The following MEF2A variants were observed in gnomAD, a reference collection of about 807,000 sequenced individuals.
MEF2A encodes myocyte enhancer factor 2A.
Under a neutral mutation model 55.8 loss-of-function variants are expected in MEF2A, and 28 were observed. That is an observed-to-expected ratio of 0.50 (90% CI 0.37 to 0.69). MEF2A has a LOEUF of 0.69. MEF2A is among the 30% of genes least tolerant of loss of function. The pLI is 0.00. For synonymous variants in MEF2A, 239 were observed against 227.1 expected, an observed-to-expected ratio of 1.05 and a Z score of -0.47; for missense variants, 528 against 626.2, an observed-to-expected ratio of 0.84 and a Z score of 1.67.
rs746305206 is a variant in MEF2A at position 99,690,348 on chromosome 15, G to A, written c.778G>A (p.Gly260Ser). ...PTKSPPPPGG[G>S]NLGMNSRKPD... ...AAAGTCTCCCCCTCCACCAGGTGGT[G>A]GTAATCTTGGAATGAACAGTAGGAA... is the stretch of plus-strand genomic sequence containing the variant. Residue 260 changes from glycine to serine, a missense_variant, in exon 8 of 12, where the codon GGT (glycine) becomes AGT (serine). Gly to Ser is a moderately conservative substitution (Grantham distance 56). Transcript: ENST00000557942. 1 of 1,613,356 alleles carries A rather than the reference G, an allele frequency of 6.2e-7. No individual in the cohort carries two copies. Among genetic ancestry groups the A allele is most frequent in the Non-Finnish European group, 8.5e-7 (1 of 1,179,766 alleles).
Position 99,675,451 on chromosome 15 carries a change from T to C in MEF2A, c.663T>C (p.Ser221=), listed in dbSNP as rs2051787565. The C allele has an allele frequency of 6.2e-7, 1 of 1,613,676 alleles. No individual in the cohort carries two copies. Among genetic ancestry groups the C allele is most frequent in the Non-Finnish European group, 8.5e-7 (1 of 1,179,604 alleles). Residue 221 remains serine, a synonymous_variant, in exon 7 of 12, where the codon AGT becomes AGC. Transcript: ENST00000557942. ...CAGTGCCAAATGGAGCTGGAAGCAG[T>C]CCAGTGGGTGAGTGAATTCCTACTC... ...DLTVPNGAGS[S]PVGNGFVNSR... is the part of the protein sequence containing the mutation.
At chr15:99,657,136 T>G (rs2047874151) in intron 4 of MEF2A, among the ~76,000 whole-genome samples, 1 of 152,118 alleles carries the variant, frequency 6.6e-6, no homozygotes, top group Admixed American at 6.6e-5. Flanking sequence ...CAGTCCTTCA[T>G]TCTGTGACCA....
At chr15:99,710,115 T>C (rs192800518) in intron 10 of MEF2A, among the ~76,000 whole-genome samples, 34 of 152,338 alleles carry the variant, frequency 2.2e-4, no homozygotes, top group Middle Eastern at 3.4e-3. Flanking sequence ...TGGCCTCTTA[T>C]TTGAATCATC....
chr15:99,598,091 C>T (rs909893693), intron 1 of MEF2A, among the ~76,000 whole-genome samples: 3 of 152,180 alleles, frequency 2.0e-5, no homozygotes, highest in South Asian at 2.1e-4. Flanking sequence ...ATAGGCTATA[C>T]GCACAGTACA....
At chr15:99,631,612 C>T (rs562585920) in intron 2 of MEF2A, among the ~76,000 whole-genome samples, 83 of 151,652 alleles carry the variant, frequency 5.5e-4, no homozygotes, top group African/African-American at 1.9e-3. Flanking sequence ...TTTTCTTCTA[C>T]TAGACTCTGA....
intron 10 of MEF2A, among the ~76,000 whole-genome samples, chr15:99,710,141 T>C (rs1188624682): frequency 6.6e-6 from 1 of 152,234 alleles, no homozygotes; most frequent in African/African-American, 2.4e-5. Context: ...CAAAGAAATA[T>C]TGCTAGATCC....
chr15:99,683,878 G>A (rs1185125072), intron 7 of MEF2A, among the ~76,000 whole-genome samples: 2 of 151,986 alleles, frequency 1.3e-5, no homozygotes, highest in African/African-American at 4.8e-5. Context: ...TCCTCCTTGA[G>A]TCCCCAAAGT....
chr15:99,650,931 T>A (rs1021816282), intron 4 of MEF2A, among the ~76,000 whole-genome samples: 2 of 152,202 alleles, frequency 1.3e-5, no homozygotes, highest in African/African-American at 4.8e-5. Flanking sequence ...TTGCCTTAAG[T>A]GCAGTTATAG....
chr15:99,686,686 C>T (rs2054287121), intron 7 of MEF2A, among the ~76,000 whole-genome samples: 1 of 152,196 alleles, frequency 6.6e-6, no homozygotes, highest in Non-Finnish European at 1.5e-5. Flanking sequence ...AATCTGATTA[C>T]TGTGTGCCTG....
chr15:99,694,018 A>G (rs960098152), intron 8 of MEF2A, among the ~76,000 whole-genome samples: 21 of 152,190 alleles, frequency 1.4e-4, no homozygotes, highest in African/African-American at 4.8e-4. Context: ...TTATTAACTG[A>G]AATTCGCAAT....
At chr15:99,581,429 T>C (rs573906726) in intron 1 of MEF2A, among the ~76,000 whole-genome samples, 98 of 151,924 alleles carry the variant, frequency 6.5e-4, no homozygotes, top group Admixed American at 3.7e-3. Flanking sequence ...TTTTTTTTCA[T>C]AGTTTCCACA....
At chr15:99,657,467 A>C (rs780739643) in intron 4 of MEF2A, 12 of 152,114 alleles carry the variant, frequency 7.9e-5, no homozygotes, top group Non-Finnish European at 1.2e-4. Context: ...TAAACTGTAA[A>C]AACAGAACAA....
chr15:99,603,543 T>TTATGTGTGTGTG (rs1555455133), intron 2 of MEF2A, among the ~76,000 whole-genome samples: 1 of 126,422 alleles, frequency 7.9e-6, no homozygotes, highest in Non-Finnish European at 1.6e-5. Flanking sequence ...CTGGCTGATT[T>TTATGTGTGTGTG]TGTGTGTGTG....
intron 4 of MEF2A, among the ~76,000 whole-genome samples, chr15:99,651,979 C>T (rs752219293): frequency 2.0e-5 from 3 of 152,084 alleles, no homozygotes; most frequent in Admixed American, 6.5e-5. Flanking sequence ...CTTTTTATGT[C>T]ATATGTGTCA....
At chr15:99,631,489 A>G (rs959786266) in intron 2 of MEF2A, among the ~76,000 whole-genome samples, 35 of 152,278 alleles carry the variant, frequency 2.3e-4, no homozygotes, top group African/African-American at 7.9e-4. Context: ...GAGTTTGAGT[A>G]TGAGACACAT....
chr15:99,666,729 A>G (rs1283159030), intron 4 of MEF2A, among the ~76,000 whole-genome samples: 1 of 152,128 alleles, frequency 6.6e-6, no homozygotes, highest in Non-Finnish European at 1.5e-5. Flanking sequence ...TTGGGCATTT[A>G]CAACACAGAA....
At chr15:99,589,131 C>G (rs1968409376) in intron 1 of MEF2A, among the ~76,000 whole-genome samples, 1 of 152,152 alleles carries the variant, frequency 6.6e-6, no homozygotes, top group South Asian at 2.1e-4. Context: ...AGATTGTGTA[C>G]AGCTGATATT....
intron 1 of MEF2A, among the ~76,000 whole-genome samples, chr15:99,586,406 T>G (rs1252940969): frequency 6.6e-6 from 1 of 152,226 alleles, no homozygotes; most frequent in Non-Finnish European, 1.5e-5. Context: ...CATATCGTTT[T>G]AATCTCCACT....
At chr15:99,655,438 G>A (rs2047545958) in intron 4 of MEF2A, among the ~76,000 whole-genome samples, 1 of 152,074 alleles carries the variant, frequency 6.6e-6, no homozygotes, top group African/African-American at 2.4e-5. Flanking sequence ...GTTGATAGAT[G>A]GTCTTGAATA....
Sources: gnomAD v4.1 joint callset for allele counts (sites outside exome capture counted in the v4.1 genomes callset) on GRCh38, gnomAD v4.1.1 for gene constraint, MANE v1.5 for transcripts, NCBI Gene and HGNC (gene_info 2026-07-23, HGNC 2026-07-21) for gene names.